The following FRMD5 variants were observed in gnomAD, a reference collection of about 807,000 sequenced individuals.
FRMD5 encodes FERM domain-containing protein 5.
A neutral mutation model predicts 69.0 loss-of-function variants in FRMD5; 20 were observed. That is an observed-to-expected ratio of 0.29 (90% CI 0.20 to 0.42). The LOEUF is 0.42. FRMD5 is among the 10% of genes least tolerant of loss of function. FRMD5 has a pLI of 1.00. For synonymous variants in FRMD5, 271 were observed against 260.1 expected, an observed-to-expected ratio of 1.04 and a Z score of -0.40; for missense variants, 595 against 708.6, an observed-to-expected ratio of 0.84 and a Z score of 1.82.
intron 1 of FRMD5, among the ~76,000 whole-genome samples, chr15:44,134,488 A>G (rs543731295): frequency 6.6e-6 from 1 of 152,126 alleles, no homozygotes; most frequent in Non-Finnish European, 1.5e-5. Flanking sequence ...TCGCTCTGTC[A>G]CCCAGACTGG....
At chr15:44,029,825 C>T (rs1026283187) in intron 1 of FRMD5, among the ~76,000 whole-genome samples, 62 of 152,196 alleles carry the variant, frequency 4.1e-4, no homozygotes, top group African/African-American at 1.4e-3. Flanking sequence ...TTTTTAGTAA[C>T]GTCTCAGGTG....
intron 1 of FRMD5, among the ~76,000 whole-genome samples, chr15:44,182,963 A>ATTT (rs550086770): frequency 1.4e-5 from 2 of 142,496 alleles, no homozygotes; most frequent in Non-Finnish European, 3.1e-5. Flanking sequence ...GCCAGGCTAA[A>ATTT]TTTTTTTTTT....
intron 1 of FRMD5, among the ~76,000 whole-genome samples, chr15:44,051,835 T>G (rs576115000): frequency 6.6e-6 from 1 of 152,308 alleles, no homozygotes; most frequent in South Asian, 2.1e-4. Context: ...GAAGAACTTA[T>G]AGGGAGGAAG....
At chr15:43,908,874 AG>A (rs1187514793) in intron 5 of FRMD5, among the ~76,000 whole-genome samples, 4 of 152,188 alleles carry the variant, frequency 2.6e-5, no homozygotes, top group Non-Finnish European at 4.4e-5. Context: ...TCTCTGAAAT[AG>A]ATACTAGAAT....
At chr15:44,140,951 T>A (rs996104298) in intron 1 of FRMD5, among the ~76,000 whole-genome samples, 6 of 150,968 alleles carry the variant, frequency 4.0e-5, no homozygotes, top group Admixed American at 2.0e-4. Flanking sequence ...GCAGGGTTGC[T>A]GGATATAAGA....
At chr15:44,196,016 A>G (rs2078289922), upstream of FRMD5, among the ~76,000 whole-genome samples, 1 of 152,322 alleles carries the variant, frequency 6.6e-6, no homozygotes, top group South Asian at 2.1e-4. Flanking sequence ...GACTTTCTCA[A>G]TAGAACAACA....
chr15:44,087,453 T>C (rs929622513), intron 1 of FRMD5, among the ~76,000 whole-genome samples: 13 of 152,194 alleles, frequency 8.5e-5, no homozygotes, highest in Non-Finnish European at 1.9e-4. Flanking sequence ...GCAGGTTCCT[T>C]TGAAATATAT....
intron 1 of FRMD5, among the ~76,000 whole-genome samples, chr15:43,962,690 A>G (rs1380256090): frequency 6.6e-6 from 1 of 152,238 alleles, no homozygotes; most frequent in East Asian, 1.9e-4. Flanking sequence ...TCAGCATGGT[A>G]CTGGTATCAA....
At chr15:44,026,123 A>G (rs975103993) in intron 1 of FRMD5, among the ~76,000 whole-genome samples, 1 of 152,128 alleles carries the variant, frequency 6.6e-6, no homozygotes, top group Non-Finnish European at 1.5e-5. Context: ...GACTACAGGC[A>G]TGTACCACCA....
chr15:43,945,139 C>T (rs2089924930), intron 1 of FRMD5, among the ~76,000 whole-genome samples: 1 of 151,988 alleles, frequency 6.6e-6, no homozygotes, highest in African/African-American at 2.4e-5. Flanking sequence ...AATCTAAAAG[C>T]CATTAAAAAA....
intron 1 of FRMD5, among the ~76,000 whole-genome samples, chr15:44,113,226 A>G (rs188074063): frequency 6.1e-4 from 93 of 152,326 alleles, no homozygotes; most frequent in Middle Eastern, 3.4e-3. Flanking sequence ...GCAAAGAAAG[A>G]AATTTCAAAA....
At chr15:44,001,132 T>C (rs116671352) in intron 1 of FRMD5, among the ~76,000 whole-genome samples, 2,536 of 152,344 alleles carry the variant, frequency 0.017, 71 homozygotes, top group East Asian at 0.054. Flanking sequence ...ATTGTGGTTT[T>C]GATTTGTATT....
intron 1 of FRMD5, among the ~76,000 whole-genome samples, chr15:44,176,493 A>G (rs2077896680): frequency 6.6e-6 from 1 of 152,162 alleles, no homozygotes; most frequent in Non-Finnish European, 1.5e-5. Flanking sequence ...TAGATATGCC[A>G]CCAAAAGCAC....
At chr15:44,014,300 C>A (rs2140228550) in intron 1 of FRMD5, among the ~76,000 whole-genome samples, 1 of 152,228 alleles carries the variant, frequency 6.6e-6, no homozygotes, top group Non-Finnish European at 1.5e-5. Flanking sequence ...TTCATCCAAA[C>A]AAAAGTAGTA....
chr15:43,896,993 G>C (rs572766072), intron 7 of FRMD5, among the ~76,000 whole-genome samples: 1 of 152,116 alleles, frequency 6.6e-6, no homozygotes, highest in Non-Finnish European at 1.5e-5. Context: ...GGAGAAGGAG[G>C]AGGAGGAGGA....
chr15:44,199,007 A>G (rs991796708), upstream of FRMD5, among the ~76,000 whole-genome samples: 1 of 152,154 alleles, frequency 6.6e-6, no homozygotes, highest in Non-Finnish European at 1.5e-5. Context: ...TCCCCCACGT[A>G]TGCCTGAAAA....
At chr15:43,984,739 C>T (rs1889301322) in intron 1 of FRMD5, among the ~76,000 whole-genome samples, 1 of 151,904 alleles carries the variant, frequency 6.6e-6, no homozygotes, top group Non-Finnish European at 1.5e-5. Context: ...ATCCCAACGC[C>T]TTGGGAGGCC....
At chr15:43,903,365 AT>A (rs746569995) in intron 6 of FRMD5, among the ~76,000 whole-genome samples, 3 of 152,188 alleles carry the variant, frequency 2.0e-5, no homozygotes, top group Non-Finnish European at 2.9e-5. Context: ...CCCAGGCCAG[AT>A]TCCCCCTAGT....
chr15:43,945,339 T>C (rs916070310), intron 1 of FRMD5, among the ~76,000 whole-genome samples: 3 of 152,088 alleles, frequency 2.0e-5, no homozygotes, highest in African/African-American at 4.8e-5. Context: ...ACTCCCTTCA[T>C]TAAAAATGTC....
Sources: gnomAD v4.1 joint callset for allele counts (sites outside exome capture counted in the v4.1 genomes callset) on GRCh38, gnomAD v4.1.1 for gene constraint, MANE v1.5 for transcripts, NCBI Gene and HGNC (gene_info 2026-07-23, HGNC 2026-07-21) for gene names.